The following FADS6 variants were observed in gnomAD, a reference collection of about 807,000 sequenced individuals.
FADS6 encodes fatty acid desaturase domain family, member 6.
In FADS6, 28 loss-of-function variants were observed where a neutral mutation model predicts 31.7. That is an observed-to-expected ratio of 0.88 (90% CI 0.66 to 1.21). The LOEUF (loss-of-function observed/expected upper bound fraction) is 1.21, where lower values mean the gene tolerates loss of function less well. Ranked by LOEUF, FADS6 falls within the 50% of genes most tolerant of loss-of-function variation. The probability of loss-of-function intolerance (pLI) is 0.00; values close to 1 mark genes in which losing one functional copy is unlikely to be tolerated. For synonymous variants in FADS6, 191 were observed against 213.1 expected, an observed-to-expected ratio of 0.90 and a Z score of 0.90; for missense variants, 494 against 504.2, an observed-to-expected ratio of 0.98 and a Z score of 0.19.
At chr17:74,884,119 C>T (rs939235966) in intron 2 of FADS6, among the ~76,000 whole-genome samples, 5 of 152,122 alleles carry the variant, frequency 3.3e-5, no homozygotes, top group African/African-American at 9.7e-5. Flanking sequence ...GGCTCATTGC[C>T]GACTGTACGG....
chr17:74,884,382 C>T, intron 2 of FADS6, among the ~76,000 whole-genome samples: 1 of 152,154 alleles, frequency 6.6e-6, no homozygotes, highest in East Asian at 1.9e-4. Flanking sequence ...ACAAAAAATA[C>T]GTGGAATATT....
Position 74,881,037 on chromosome 17 carries a change from T to C in FADS6, c.780+31A>G, listed in dbSNP as rs748681587. 7 of 1,594,208 alleles carry C rather than the reference T, an allele frequency of 4.4e-6. No homozygotes were observed. The Admixed American group carries it at 7.0e-5, about 16-fold the overall frequency. ...GCCCCTGGAGAATGCTCCCCTTAGCTGCCCAGCGCCCCAGGTTGGGGTGGC... is the reference window on the plus strand; with the variant it reads ...GCCCCTGGAGAATGCTCCCCTTAGCCGCCCAGCGCCCCAGGTTGGGGTGGC... On this transcript the variant is annotated intron_variant, in intron 4 of 5. Transcript: ENST00000612771.
In FADS6 at chr17:74,886,798, A is replaced by C. The variant is rs554891906; in HGVS notation, c.412-4088T>G. Reference sequence around the variant, plus strand: ...CCTGATTCCTGAGGGTCCCTCATGCACTGTACTGCTTCCCACAGCCTTTGT... The same window carrying C: ...CCTGATTCCTGAGGGTCCCTCATGCCCTGTACTGCTTCCCACAGCCTTTGT... On this transcript the variant is annotated intron_variant, in intron 2 of 5. Coordinates refer to ENST00000612771, the MANE Select transcript of FADS6 (RefSeq NM_178128.6). Among the ~76,000 whole-genome samples, 5 of 152,026 alleles carry C rather than the reference A, an allele frequency of 3.3e-5. No homozygotes were observed. In the East Asian group the frequency reaches 9.7e-4, roughly 29 times the overall value.
chr17:74,877,550 G>T lies in FADS6; in HGVS notation c.*781C>A. The stretch of plus-strand genomic sequence containing the variant: ...GGGTTTCACCATGTTGGCCAGGGTG[G>T]TCTCGAGCTCCTGATCTCGCGATCC... On this transcript the variant is annotated 3_prime_UTR_variant, in exon 6 of 6. Transcript: ENST00000612771. 1 of 291,104 alleles carries T rather than the reference G, an allele frequency of 3.4e-6. No homozygotes were observed. The highest frequency in any genetic ancestry group is 2.3e-5 in the African/African-American group (1 of 43,830). 18.0% of individuals were successfully genotyped at this position (291,104 alleles called of 1,614,324 possible). A position where few individuals can be genotyped will look rare whatever the true frequency, so the allele number is the denominator to read the frequency against.
chr17:74,879,187 C>T, intron 5 of FADS6: 1 of 557,328 alleles, frequency 1.8e-6, no homozygotes, highest in Non-Finnish European at 3.1e-6. Context: ...CAAGCATGTG[C>T]CACCACACCC....
Position 74,893,629 on chromosome 17 carries a change from G to T in FADS6, c.-34C>A, listed in dbSNP as rs761586615. 131 of 1,278,318 alleles carry T rather than the reference G, an allele frequency of 1.0e-4. No individual in the cohort carries two copies. Among genetic ancestry groups the T allele is most frequent in the Non-Finnish European group, 1.2e-4 (115 of 997,854 alleles). 79.2% of individuals were successfully genotyped at this position (1,278,318 alleles called of 1,614,324 possible). ...TGGGCTCGGGCCCGACGCGCACGGAGGACTGGAGGACTGGGGCGTGTGTCT... is the reference window on the plus strand; with the variant it reads ...TGGGCTCGGGCCCGACGCGCACGGATGACTGGAGGACTGGGGCGTGTGTCT... On this transcript the variant is annotated 5_prime_UTR_variant, in exon 1 of 6. Coordinates refer to ENST00000612771, the MANE Select transcript of FADS6 (RefSeq NM_178128.6).
chr17:74,883,781 C>G (rs1420295717), intron 2 of FADS6, among the ~76,000 whole-genome samples: 2 of 152,158 alleles, frequency 1.3e-5, no homozygotes, highest in African/African-American at 2.4e-5. Flanking sequence ...GGTTCTCCTG[C>G]CCCAGCCTCC....
chr17:74,890,435 A>G (rs2038677602), intron 2 of FADS6, among the ~76,000 whole-genome samples: 1 of 152,096 alleles, frequency 6.6e-6, no homozygotes, highest in Non-Finnish European at 1.5e-5. Flanking sequence ...CATCCCACGT[A>G]GGTCAGTCGG....
intron 2 of FADS6, among the ~76,000 whole-genome samples, chr17:74,885,520 C>T (rs1217312521): frequency 1.3e-5 from 2 of 152,136 alleles, no homozygotes; most frequent in Admixed American, 6.5e-5. Flanking sequence ...ACGGAAGCTA[C>T]GCAGATCCAG....
intron 2 of FADS6, among the ~76,000 whole-genome samples, chr17:74,885,965 C>T (rs936391507): frequency 1.3e-5 from 2 of 152,252 alleles, no homozygotes; most frequent in South Asian, 2.1e-4. Flanking sequence ...ACCAGCCAGG[C>T]GCAGTGGCTC....
At chr17:74,882,799 A>G in intron 2 of FADS6, 89 bp from the exon 3 acceptor site, 1 of 1,537,510 alleles carries the variant, frequency 6.5e-7, no homozygotes, top group Middle Eastern at 1.7e-4. Context: ...GAACACCCCC[A>G]CCTCCTCAAA....
Position 74,878,217 on chromosome 17 carries a change from C to T in FADS6, c.*114G>A. 3.4e-6 allele frequency: 5 copies of T among 1,452,294 alleles called. No homozygotes were observed. In the South Asian group the frequency reaches 7.2e-5, roughly 21 times the overall value. 90.0% of individuals were successfully genotyped at this position (1,452,294 alleles called of 1,614,324 possible). A position where few individuals can be genotyped will look rare whatever the true frequency, so the allele number is the denominator to read the frequency against. ...CCCTGCCCCCCTGCCTGGCCGGTGC[C>T]TCCACTCTCCAGGTCCACCACCAGC... On this transcript the variant is annotated 3_prime_UTR_variant, in exon 6 of 6. Transcript: ENST00000612771.
intron 3 of FADS6, 80 bp from the exon 4 acceptor site, chr17:74,881,335 G>A: frequency 7.3e-7 from 1 of 1,372,832 alleles, no homozygotes; most frequent in Non-Finnish European, 9.8e-7. Flanking sequence ...CTAAAGCAGT[G>A]GCGGAGGCCA....
intron 2 of FADS6, among the ~76,000 whole-genome samples, chr17:74,890,771 G>A (rs2038680869): frequency 6.6e-6 from 1 of 152,126 alleles, no homozygotes; most frequent in Non-Finnish European, 1.5e-5. Context: ...TGGGTTTCCG[G>A]TGGAGCGCTC....
At chr17:74,885,555 A>G (rs1337733636) in intron 2 of FADS6, among the ~76,000 whole-genome samples, 2 of 152,070 alleles carry the variant, frequency 1.3e-5, no homozygotes, top group African/African-American at 2.4e-5. Context: ...TGCCAGACCA[A>G]CGCTGCCCCT....
At position 74,893,401 on chromosome 17, in the gene FADS6, G is replaced by T; in HGVS notation, c.195C>A (p.His65Gln). ...GCGCGAGGATGGCGCAGTCCACGCCGTGGCGCTCCCACCAGGAGCTCGTCC... is the reference window on the plus strand; with the variant it reads ...GCGCGAGGATGGCGCAGTCCACGCCTTGGCGCTCCCACCAGGAGCTCGTCC... ...VVRTSSWWERHGVDCAILALS... is the reference protein window; with the variant it reads ...VVRTSSWWERQGVDCAILALS... The change falls in exon 1 of 6, where the codon CAC becomes CAA. Residue 65 changes from histidine (H) to glutamine (Q), a missense_variant. His to Gln is a conservative substitution (Grantham distance 24). Around this residue, in one of 2 missense-constraint regions of FADS6, gnomAD observed 454 missense variants for 438.5 expected, o/e 1.04. Transcript: ENST00000612771. 6.5e-7 allele frequency: 1 copy of T among 1,545,358 alleles called. No homozygotes were observed. The highest frequency in any genetic ancestry group is 8.7e-7 in the Non-Finnish European group (1 of 1,147,484).
At position 74,892,442 on chromosome 17, in the gene FADS6, C is replaced by A. The variant is rs1598566220; in HGVS notation, c.411+81G>T. 25 of 1,503,024 alleles carry A rather than the reference C, an allele frequency of 1.7e-5. No homozygotes were observed. The East Asian group carries it at 6.1e-4, about 37-fold the overall frequency. 93.1% of individuals were successfully genotyped at this position (1,503,024 alleles called of 1,614,324 possible). On this transcript the variant is annotated intron_variant, in intron 2 of 5. Coordinates refer to ENST00000612771, the MANE Select transcript of FADS6 (RefSeq NM_178128.6). The stretch of plus-strand genomic sequence containing the variant: ...CCCCGTGGGCACATGCACAGCTGGA[C>A]ACACCCGCATGCTCGAACAGAAGAA...
At chr17:74,892,423 G>A in intron 2 of FADS6, 100 bp downstream of exon 2, 1 of 1,415,176 alleles carries the variant, frequency 7.1e-7, no homozygotes, top group Middle Eastern at 2.4e-4. Flanking sequence ...CTGCCCCCGT[G>A]GGCACATGCA....
chr17:74,877,163 T>C, downstream of FADS6: 1 of 151,980 alleles, frequency 6.6e-6, no homozygotes. Context: ...CTCCGGACCC[T>C]GTTCCCAGTA....
Sources: allele counts gnomAD v4.1 joint callset (sites outside exome capture counted in the v4.1 genomes callset), GRCh38; gene constraint gnomAD v4.1.1; regional missense constraint gnomAD v4.1.1; transcripts MANE v1.5; gene names NCBI Gene and HGNC (gene_info 2026-07-23, HGNC 2026-07-21).